Variants in PCDH9 observed in about 807,000 individuals in gnomAD.
The protein encoded by PCDH9 is protocadherin-9.
Under a neutral mutation model 70.6 loss-of-function variants are expected in PCDH9, and 24 were observed. That is an observed-to-expected ratio of 0.34 (90% CI 0.25 to 0.48). The LOEUF (loss-of-function observed/expected upper bound fraction) is 0.48, where lower values mean the gene tolerates loss of function less well. Ranked by LOEUF, PCDH9 falls within the 20% of genes least tolerant of loss-of-function variation. The pLI, the probability that PCDH9 is intolerant of heterozygous loss-of-function variation, is 0.99. For missense variants in PCDH9, 1,281 were observed against 1,503.6 expected (o/e 0.85, Z 2.45); for synonymous variants, 562 against 558.5 (o/e 1.01, Z -0.09).
intron 2 of PCDH9, among the ~76,000 whole-genome samples, chr13:67,117,087 G>T (rs990180881): frequency 6.6e-6 from 1 of 152,140 alleles, no homozygotes; most frequent in African/African-American, 2.4e-5. Flanking sequence ...GGAAAAAAAT[G>T]TCTTGGAAAA....
intron 2 of PCDH9, among the ~76,000 whole-genome samples, chr13:66,918,406 AC>A (rs1320242468): frequency 1.3e-5 from 2 of 151,290 alleles, no homozygotes; most frequent in African/African-American, 4.8e-5. Context: ...TTCAACATTG[AC>A]TTTTATAATT....
intron 2 of PCDH9, among the ~76,000 whole-genome samples, chr13:67,025,280 C>T (rs1359237671): frequency 1.3e-5 from 2 of 152,052 alleles, no homozygotes; most frequent in African/African-American, 2.4e-5. Context: ...TGGTACACTT[C>T]CTTATTAGAA....
At chr13:66,968,476 G>C (rs1425648073) in intron 2 of PCDH9, among the ~76,000 whole-genome samples, 1 of 151,972 alleles carries the variant, frequency 6.6e-6, no homozygotes, top group Admixed American at 6.6e-5. Flanking sequence ...TTTAAGATGA[G>C]ATGTTGTCAA....
At chr13:66,407,505 G>A (rs1235476596) in intron 4 of PCDH9, among the ~76,000 whole-genome samples, 2 of 152,068 alleles carry the variant, frequency 1.3e-5, no homozygotes, top group Non-Finnish European at 2.9e-5. Context: ...GAGGAGGGGG[G>A]TGTTGTTTTT....
chr13:66,569,769 T>G (rs2076706632), intron 4 of PCDH9, among the ~76,000 whole-genome samples: 1 of 152,124 alleles, frequency 6.6e-6, no homozygotes, highest in Non-Finnish European at 1.5e-5. Flanking sequence ...CAACACCAAA[T>G]GCTGGTGAGG....
intron 4 of PCDH9, among the ~76,000 whole-genome samples, chr13:66,343,182 G>A (rs1956160031): frequency 1.3e-5 from 2 of 152,118 alleles, no homozygotes; most frequent in African/African-American, 4.8e-5. Flanking sequence ...GAATACTGGA[G>A]GATAGGTATA....
At chr13:66,437,713 A>T (rs1957897983) in intron 4 of PCDH9, among the ~76,000 whole-genome samples, 1 of 152,156 alleles carries the variant, frequency 6.6e-6, no homozygotes, top group Non-Finnish European at 1.5e-5. Flanking sequence ...TGGCATAGCT[A>T]CTTTGGAATT....
chr13:67,225,713 G>T lies in PCDH9; in HGVS notation c.2728C>A (p.Leu910Met). 1 of 1,614,184 alleles carries T rather than the reference G, an allele frequency of 6.2e-7. No homozygotes were observed. The highest frequency in any genetic ancestry group is 8.5e-7 in the Non-Finnish European group (1 of 1,180,010). ...AATCTTCCTATACTTTGCTCCTCCA[G>T]TTCAGCCGGCAGGCTTATTGTCCCA... The part of the protein sequence containing the change: ...INGTISLPAE[L>M]EEQSIGRFDW... Residue 910 changes from leucine (L) to methionine (M), a missense_variant, in exon 2 of 5, where the codon CTG becomes ATG. Transcript: ENST00000377865.
At chr13:66,721,144 C>T (rs1593951129) in intron 3 of PCDH9, among the ~76,000 whole-genome samples, 1 of 152,232 alleles carries the variant, frequency 6.6e-6, no homozygotes, top group South Asian at 2.1e-4. Context: ...ATGTATGAAA[C>T]CGTCATGCTG....
chr13:67,047,758 A>T (rs1224143014), intron 2 of PCDH9, among the ~76,000 whole-genome samples: 1 of 152,202 alleles, frequency 6.6e-6, no homozygotes, highest in Admixed American at 6.5e-5. Context: ...GCTTACTTAC[A>T]TCAAAAGCCA....
chr13:66,950,931 T>C (rs1407045457), intron 2 of PCDH9, among the ~76,000 whole-genome samples: 3 of 151,806 alleles, frequency 2.0e-5, no homozygotes, highest in Non-Finnish European at 4.4e-5. Context: ...ATGTGAATTT[T>C]CTATCAGATA....
At chr13:66,318,717 G>T (rs933186047) in intron 4 of PCDH9, among the ~76,000 whole-genome samples, 2 of 152,064 alleles carry the variant, frequency 1.3e-5, no homozygotes, top group Non-Finnish European at 2.9e-5. Context: ...CTCCTGAAGG[G>T]TTATCTTTTT....
intron 2 of PCDH9, chr13:67,214,494 G>A (rs571638096): frequency 1.3e-5 from 2 of 152,262 alleles, no homozygotes; most frequent in African/African-American, 2.4e-5. Flanking sequence ...CCAGATGGGT[G>A]GAGCTTCTGG....
intron 4 of PCDH9, among the ~76,000 whole-genome samples, chr13:66,584,595 C>A (rs1184111536): frequency 3.9e-5 from 6 of 152,010 alleles, no homozygotes; most frequent in Admixed American, 1.3e-4. Flanking sequence ...TTATTTAAAC[C>A]CAAATATATA....
At chr13:66,501,133 T>C (rs918128912) in intron 4 of PCDH9, among the ~76,000 whole-genome samples, 4 of 152,298 alleles carry the variant, frequency 2.6e-5, no homozygotes, top group Admixed American at 2.6e-4. Context: ...ACTTAAGAAC[T>C]GCTAAAAATA....
intron 4 of PCDH9, among the ~76,000 whole-genome samples, chr13:66,573,744 T>A (rs2138752795): frequency 6.6e-6 from 1 of 151,348 alleles, no homozygotes; most frequent in African/African-American, 2.4e-5. Flanking sequence ...TTTTTTTGTT[T>A]GTTTGTTTGT....
intron 4 of PCDH9, among the ~76,000 whole-genome samples, chr13:66,403,486 A>G (rs576700295): frequency 6.6e-6 from 1 of 152,236 alleles, no homozygotes; most frequent in African/African-American, 2.4e-5. Context: ...TAAATTATGC[A>G]TTTTATAGTG....
At chr13:66,506,601 T>C (rs769331719) in intron 4 of PCDH9, among the ~76,000 whole-genome samples, 5 of 152,146 alleles carry the variant, frequency 3.3e-5, no homozygotes, top group Admixed American at 1.3e-4. Context: ...TTGCGGTCAG[T>C]GAGCAGGTTA....
At chr13:66,526,788 C>T (rs1006444152) in intron 4 of PCDH9, among the ~76,000 whole-genome samples, 1 of 152,144 alleles carries the variant, frequency 6.6e-6, no homozygotes, top group Non-Finnish European at 1.5e-5. Context: ...CTAAATTTAA[C>T]TATTTTTTAA....
Sources: gnomAD v4.1 joint callset for allele counts (sites outside exome capture counted in the v4.1 genomes callset) on GRCh38, gnomAD v4.1.1 for gene constraint, MANE v1.5 for transcripts, NCBI Gene and HGNC (gene_info 2026-07-23, HGNC 2026-07-21) for gene names.